SLC38A6: variants seen among roughly 807,000 people sequenced by gnomAD.
SLC38A6 encodes the protein solute carrier family 38 member 6, also known as N system amino acid transporter NAT-1.
Under a neutral mutation model 65.0 loss-of-function variants are expected in SLC38A6, and 73 were observed. The observed-to-expected ratio is 1.12, with a 90% CI of 0.93 to 1.37. The LOEUF (loss-of-function observed/expected upper bound fraction) is 1.37. Ranked by LOEUF, SLC38A6 falls within the 40% of genes most tolerant of loss-of-function variation. SLC38A6 has a pLI of 0.00. For synonymous variants in SLC38A6, 183 were observed against 178.8 expected (o/e 1.02, Z -0.19); for missense variants, 561 against 531.1 (o/e 1.06, Z -0.55).
At chr14:60,999,384 C>T (rs2038539851) in intron 3 of SLC38A6, among the ~76,000 whole-genome samples, 1 of 152,078 alleles carries the variant, frequency 6.6e-6, no homozygotes, top group South Asian at 2.1e-4. Flanking sequence ...AGTGAAATGG[C>T]CTTTGTGTGC....
At chr14:61,022,405 G>A (rs1178453498) in intron 5 of SLC38A6, among the ~76,000 whole-genome samples, 2 of 151,500 alleles carry the variant, frequency 1.3e-5, no homozygotes, top group African/African-American at 4.8e-5. Context: ...GTCCATGTAT[G>A]CTTGCAAACA....
At chr14:61,025,350 T>C (rs949113756) in intron 5 of SLC38A6, among the ~76,000 whole-genome samples, 2 of 152,202 alleles carry the variant, frequency 1.3e-5, no homozygotes, top group Non-Finnish European at 2.9e-5. Context: ...AGTAAAGTAC[T>C]AAGAGTGTTT....
In SLC38A6 at chr14:61,043,434, C is replaced by A; in HGVS notation, c.691-16C>A. ...GGCTGTTGGTTTCTCTTTTTCCCCTCAATGCTCTTAAACAGATTTCAAATG... is the reference window on the plus strand; with the variant it reads ...GGCTGTTGGTTTCTCTTTTTCCCCTAAATGCTCTTAAACAGATTTCAAATG... On this transcript the variant is annotated splice_polypyrimidine_tract_variant and intron_variant, in intron 9 of 15. Transcript: ENST00000267488. The A allele has an allele frequency of 6.3e-7, 1 of 1,585,726 alleles. No homozygotes were observed. The highest frequency in any genetic ancestry group is 1.2e-5 in the South Asian group (1 of 85,618).
At chr14:61,054,252 T>C (rs560103301), downstream of SLC38A6, among the ~76,000 whole-genome samples, 1 of 152,316 alleles carries the variant, frequency 6.6e-6, no homozygotes, top group Non-Finnish European at 1.5e-5. Context: ...TTTATACCAC[T>C]GTCATGCAGT....
chr14:60,998,595 A>G (rs139464404), intron 3 of SLC38A6, among the ~76,000 whole-genome samples: 2 of 152,330 alleles, frequency 1.3e-5, no homozygotes, highest in Non-Finnish European at 2.9e-5. Flanking sequence ...CTTCCTGGAC[A>G]CAGGAAAAGA....
At chr14:61,071,035 C>T (rs979387544) in intron 15 of SLC38A6, among the ~76,000 whole-genome samples, 1 of 152,090 alleles carries the variant, frequency 6.6e-6, no homozygotes, top group African/African-American at 2.4e-5. Context: ...AGAATCTCTT[C>T]TGTTGGATGT....
At chr14:60,985,844 T>C (rs1027721118) in intron 3 of SLC38A6, among the ~76,000 whole-genome samples, 2 of 152,156 alleles carry the variant, frequency 1.3e-5, no homozygotes, top group African/African-American at 4.8e-5. Flanking sequence ...TCATTCATTG[T>C]GGAAGGTGAA....
At chr14:60,992,794 C>G (rs2038005069) in intron 3 of SLC38A6, among the ~76,000 whole-genome samples, 1 of 151,626 alleles carries the variant, frequency 6.6e-6, no homozygotes, top group African/African-American at 2.4e-5. Context: ...TCAAGCAATT[C>G]TCATGTCTCA....
chr14:61,067,105 C>T (rs1235220987), intron 15 of SLC38A6, among the ~76,000 whole-genome samples: 1 of 152,056 alleles, frequency 6.6e-6, no homozygotes, highest in Non-Finnish European at 1.5e-5. Context: ...TTAATATATA[C>T]ATATGTTTTT....
chr14:61,024,477 A>C (rs1323160888), intron 5 of SLC38A6, among the ~76,000 whole-genome samples: 3 of 152,188 alleles, frequency 2.0e-5, no homozygotes, highest in African/African-American at 7.2e-5. Context: ...GTCAGAAAAG[A>C]TGTGTCTGGA....
intron 16 of SLC38A6, among the ~76,000 whole-genome samples, chr14:61,082,584 G>A (rs2043699442): frequency 6.6e-6 from 1 of 152,188 alleles, no homozygotes; most frequent in Non-Finnish European, 1.5e-5. Context: ...TAGCATTGTA[G>A]TTTAATTCCT....
chr14:61,024,198 TCTA>T (rs1276792939), intron 5 of SLC38A6, among the ~76,000 whole-genome samples: 1 of 152,106 alleles, frequency 6.6e-6, no homozygotes, highest in Non-Finnish European at 1.5e-5. Context: ...ATTGAAAAAA[TCTA>T]CTGTCTGTAA....
At chr14:60,990,585 T>G (rs773394740) in intron 3 of SLC38A6, among the ~76,000 whole-genome samples, 3 of 152,106 alleles carry the variant, frequency 2.0e-5, no homozygotes, top group Admixed American at 6.6e-5. Context: ...CTCCCCTTTT[T>G]CCCCTCATCC....
At chr14:61,013,141 G>A (rs1486439995) in intron 3 of SLC38A6, among the ~76,000 whole-genome samples, 3 of 152,056 alleles carry the variant, frequency 2.0e-5, no homozygotes, top group Non-Finnish European at 4.4e-5. Flanking sequence ...TTATGTAATG[G>A]CCTTCTTTGT....
In SLC38A6 at chr14:61,043,522, G is replaced by A. The variant is rs2041938871; in HGVS notation, c.744+19G>A. 1 of 1,568,476 alleles carries A rather than the reference G, an allele frequency of 6.4e-7. No individual in the cohort carries two copies. The highest frequency in any genetic ancestry group is 2.3e-5 in the East Asian group (1 of 44,330). ...CAAAGAGGTGTGTAAGTTATTAACA[G>A]ATACTTTTAGTTGATTTTTCACATT... is the stretch of plus-strand genomic sequence containing the variant. On this transcript the variant is annotated intron_variant, in intron 10 of 15. Coordinates refer to ENST00000267488, the MANE Select transcript of SLC38A6 (RefSeq NM_153811.3).
Position 61,052,274 on chromosome 14 carries a change from A to G in SLC38A6, c.1291-75A>G, listed in dbSNP as rs552531346. The G allele has an allele frequency of 1.9e-5, 26 of 1,363,636 alleles. No homozygotes were observed. The South Asian group carries it at 3.7e-4, about 19-fold the overall frequency. The allele number at this position is 1,363,636 out of a possible 1,614,324, so 84.5% of individuals were successfully genotyped here. A position where few individuals can be genotyped will look rare whatever the true frequency, so the allele number is the denominator to read the frequency against. On this transcript the variant is annotated intron_variant, in intron 15 of 15. Coordinates refer to ENST00000267488, the MANE Select transcript of SLC38A6 (RefSeq NM_153811.3). ...TTATTGCAGAGAGTAGAGATTTAAC[A>G]AATAATCCAATTGTATTTTTTTATC...
chr14:61,006,489 A>C (rs913564709), intron 3 of SLC38A6, among the ~76,000 whole-genome samples: 1 of 152,242 alleles, frequency 6.6e-6, no homozygotes, highest in African/African-American at 2.4e-5. Context: ...CAGGAAAAAA[A>C]CAACCCCATC....
At chr14:61,004,667 A>T (rs938655715) in intron 3 of SLC38A6, 2 of 152,256 alleles carry the variant, frequency 1.3e-5, no homozygotes, top group South Asian at 2.1e-4. Flanking sequence ...TAGACCAATA[A>T]CAGGCTCTGA....
At chr14:61,042,327 A>G (rs10873132) in intron 8 of SLC38A6, among the ~76,000 whole-genome samples, 104,055 of 152,044 alleles carry the variant, frequency 0.68, 35,785 homozygotes, top group African/African-American at 0.7. Context: ...CCTACAAAGA[A>G]CAAATACTTC....
Sources: gnomAD v4.1 joint callset for allele counts (sites outside exome capture counted in the v4.1 genomes callset) on GRCh38, gnomAD v4.1.1 for gene constraint, MANE v1.5 for transcripts, NCBI Gene and HGNC (gene_info 2026-07-23, HGNC 2026-07-21) for gene names.